GABRG3: variants seen among roughly 807,000 people sequenced by gnomAD.
The protein encoded by GABRG3 is gamma-aminobutyric acid type A receptor subunit gamma3, also known as gamma-aminobutyric acid receptor subunit gamma-3.
In GABRG3, 25 loss-of-function variants were observed where a neutral mutation model predicts 48.8. The observed-to-expected ratio is 0.51, with a 90% confidence interval of 0.37 to 0.72. The LOEUF (loss-of-function observed/expected upper bound fraction) is 0.72, where lower values mean the gene tolerates loss of function less well. GABRG3 is among the 30% of genes least tolerant of loss of function. The pLI, the probability that GABRG3 is intolerant of heterozygous loss-of-function variation, is 0.00. For synonymous variants in GABRG3, 227 were observed against 217.6 expected, an observed-to-expected ratio of 1.04 and a Z score of -0.38; for missense variants, 394 against 577.9, an observed-to-expected ratio of 0.68 and a Z score of 3.26.
chr15:26,972,040 G>A (rs1237784508), intron 1 of GABRG3, among the ~76,000 whole-genome samples: 1 of 151,828 alleles, frequency 6.6e-6, no homozygotes, highest in Non-Finnish European at 1.5e-5. Context: ...AGTTTAGACC[G>A]GGCTGGAAAG....
chr15:27,423,545 T>G (rs950131160), intron 5 of GABRG3, among the ~76,000 whole-genome samples: 7 of 151,094 alleles, frequency 4.6e-5, no homozygotes, highest in Non-Finnish European at 7.4e-5. Context: ...TTTTTGGTTT[T>G]TTTTTTTTTT....
chr15:27,327,273 A>C (rs185999024), intron 4 of GABRG3, among the ~76,000 whole-genome samples: 19 of 152,330 alleles, frequency 1.2e-4, no homozygotes, highest in Admixed American at 3.9e-4. Context: ...AGGCTGTGAA[A>C]GTTATTCTTA....
chr15:27,248,631 C>G (rs1890337749), intron 3 of GABRG3, among the ~76,000 whole-genome samples: 1 of 152,060 alleles, frequency 6.6e-6, no homozygotes, highest in Non-Finnish European at 1.5e-5. Flanking sequence ...CCTGTACTGC[C>G]CACAGAGGTC....
intron 9 of GABRG3, among the ~76,000 whole-genome samples, chr15:27,529,600 T>G (rs1891369165): frequency 6.6e-6 from 1 of 152,100 alleles, no homozygotes. Context: ...ACTCTGCAAG[T>G]GTGGATCGTG....
chr15:27,215,074 T>C (rs1889203437), intron 3 of GABRG3, among the ~76,000 whole-genome samples: 2 of 152,242 alleles, frequency 1.3e-5, no homozygotes, highest in South Asian at 4.1e-4. Context: ...CATTTCTTTT[T>C]CTTTTGTCCT....
At chr15:27,001,227 A>C (rs930230869) in intron 2 of GABRG3, among the ~76,000 whole-genome samples, 4 of 152,246 alleles carry the variant, frequency 2.6e-5, no homozygotes, top group African/African-American at 9.6e-5. Flanking sequence ...GATTGTTTCA[A>C]GTGAAAAAGT....
intron 3 of GABRG3, among the ~76,000 whole-genome samples, chr15:27,226,296 G>A (rs776852411): frequency 2.0e-5 from 3 of 152,142 alleles, no homozygotes; most frequent in Non-Finnish European, 4.4e-5. Context: ...GGACAGGCTC[G>A]GGTGCTGCTG....
At chr15:27,480,153 A>AAGCTGAAGACTGAT (rs1387835053) in intron 5 of GABRG3, among the ~76,000 whole-genome samples, 2 of 152,256 alleles carry the variant, frequency 1.3e-5, no homozygotes, top group African/African-American at 4.8e-5. Context: ...TCACCTATCA[A>AAGCTGAAGACTGAT]AGCTGAAGAC....
intron 5 of GABRG3, among the ~76,000 whole-genome samples, chr15:27,385,448 G>A (rs1392575670): frequency 6.6e-6 from 1 of 151,692 alleles, no homozygotes; most frequent in Non-Finnish European, 1.5e-5. Context: ...TGATTTTTTA[G>A]AACATATTTT....
At chr15:27,196,578 A>T (rs1399465723) in intron 3 of GABRG3, among the ~76,000 whole-genome samples, 1 of 152,220 alleles carries the variant, frequency 6.6e-6, no homozygotes. Context: ...AAAACCTCAC[A>T]GATCAGTATA....
intron 3 of GABRG3, among the ~76,000 whole-genome samples, chr15:27,240,487 T>C (rs1455100096): frequency 6.6e-6 from 1 of 152,236 alleles, no homozygotes; most frequent in Non-Finnish European, 1.5e-5. Flanking sequence ...TAATATGTTA[T>C]AAGTCTCATA....
chr15:27,221,545 G>C (rs1011119237), intron 3 of GABRG3, among the ~76,000 whole-genome samples: 1 of 152,066 alleles, frequency 6.6e-6, no homozygotes, highest in Non-Finnish European at 1.5e-5. Context: ...CCATTCTCAA[G>C]GTGGTCTCTC....
At chr15:27,216,315 GAGGA>G (rs1889244442) in intron 3 of GABRG3, among the ~76,000 whole-genome samples, 1 of 152,226 alleles carries the variant, frequency 6.6e-6, no homozygotes. Flanking sequence ...AAATAAAAGG[GAGGA>G]TCTGCCACAA....
chr15:27,065,816 C>A (rs373754860), intron 3 of GABRG3, among the ~76,000 whole-genome samples: 1 of 152,182 alleles, frequency 6.6e-6, no homozygotes, highest in Non-Finnish European at 1.5e-5. Context: ...ATAACCTGAA[C>A]GTTCTTTCAG....
chr15:27,481,637 A>G (rs1890103434), intron 6 of GABRG3, among the ~76,000 whole-genome samples: 1 of 152,202 alleles, frequency 6.6e-6, no homozygotes, highest in African/African-American at 2.4e-5. Context: ...GCAACTGTAA[A>G]ATAGAGAGCT....
chr15:27,096,147 G>A (rs759346565), intron 3 of GABRG3, among the ~76,000 whole-genome samples: 8 of 152,196 alleles, frequency 5.3e-5, no homozygotes, highest in East Asian at 1.9e-4. Context: ...AGTGGGCACC[G>A]TCACACAAAG....
intron 3 of GABRG3, among the ~76,000 whole-genome samples, chr15:27,106,196 A>G (rs1897446995): frequency 6.6e-6 from 1 of 152,100 alleles, no homozygotes; most frequent in South Asian, 2.1e-4. Flanking sequence ...ACAAGTTTCT[A>G]GACGTCTAAT....
Position 27,520,071 on chromosome 15 carries a change from C to T in GABRG3, c.812C>T (p.Ser271Phe). 1 of 1,604,484 alleles carries T rather than the reference C, an allele frequency of 6.2e-7. No homozygotes were observed. Among genetic ancestry groups the T allele is most frequent in the Non-Finnish European group, 8.5e-7 (1 of 1,174,830 alleles). The change falls in exon 7 of 10, where the codon TCC becomes TTC. Residue 271 changes from serine (S) to phenylalanine (F), a missense_variant. Coordinates refer to ENST00000615808, the MANE Select transcript of GABRG3 (RefSeq NM_033223.5). Reference sequence around the variant, plus strand: ...CCCTGTATACTGACTGTGGTTTTATCCTGGGTGTCATTTTGGATCAAAAAA... The same window carrying T: ...CCCTGTATACTGACTGTGGTTTTATTCTGGGTGTCATTTTGGATCAAAAAA... ...YIPCILTVVLSWVSFWIKKDA... is the reference protein window; with the variant it reads ...YIPCILTVVLFWVSFWIKKDA...
chr15:27,172,008 G>C (rs535411105), intron 3 of GABRG3, among the ~76,000 whole-genome samples: 1 of 109,084 alleles, frequency 9.2e-6, no homozygotes, highest in African/African-American at 4.0e-5. Flanking sequence ...ACAGAAAAAC[G>C]GGGCCAAACT....
Sources: gnomAD v4.1 joint callset for allele counts (sites outside exome capture counted in the v4.1 genomes callset) on GRCh38, gnomAD v4.1.1 for gene constraint, MANE v1.5 for transcripts, NCBI Gene and HGNC (gene_info 2026-07-23, HGNC 2026-07-21) for gene names.